Variants in SQOR observed in about 807,000 individuals in gnomAD.
SQOR encodes the protein sulfide:quinone oxidoreductase, mitochondrial.
In SQOR, 39 loss-of-function variants were observed where a neutral mutation model predicts 48.6. The ratio of observed to expected loss-of-function variants is 0.80; its 90% CI spans 0.62 to 1.05. The LOEUF (loss-of-function observed/expected upper bound fraction) is 1.05, where lower values mean the gene tolerates loss of function less well. Among genes scored for constraint, SQOR ranks in the 50% least tolerant of loss-of-function variants. The probability of loss-of-function intolerance (pLI) is 0.00; values close to 1 mark genes in which losing one functional copy is unlikely to be tolerated. For synonymous variants in SQOR, 220 were observed against 206.2 expected (o/e 1.07, Z -0.57); for missense variants, 561 against 559.9 (o/e 1.00, Z -0.02).
chr15:45,634,518 T>C (rs1894960839), upstream of SQOR, among the ~76,000 whole-genome samples: 1 of 151,888 alleles, frequency 6.6e-6, no homozygotes, highest in African/African-American at 2.4e-5. Context: ...CCTGCGCGTT[T>C]TGAAGGAAGG....
chr15:45,676,694 T>C (rs1489896247), intron 6 of SQOR, among the ~76,000 whole-genome samples: 1 of 152,176 alleles, frequency 6.6e-6, no homozygotes, highest in Non-Finnish European at 1.5e-5. Context: ...ATTGGTGGCA[T>C]GTGAGAAACA....
At chr15:45,673,933 GT>G (rs569519667) in intron 5 of SQOR, 132 bp downstream of exon 5, 4 of 832,584 alleles carry the variant, frequency 4.8e-6, no homozygotes, top group Non-Finnish European at 7.3e-6. Context: ...TACAAAATTA[GT>G]TAACTGGAAG....
chr15:45,676,049 A>C, intron 5 of SQOR, 52 bp from the exon 6 acceptor site: 2 of 1,530,114 alleles, frequency 1.3e-6, no homozygotes, highest in Non-Finnish European at 1.8e-6. Flanking sequence ...TAAAAAAAAA[A>C]AAGGCAGCTG....
intron 1 of SQOR, among the ~76,000 whole-genome samples, chr15:45,636,455 G>C (rs1341984869): frequency 1.3e-5 from 2 of 148,344 alleles, no homozygotes; most frequent in Admixed American, 1.4e-4. Flanking sequence ...CCAGGCTGGA[G>C]TGCAGTGGCG....
At chr15:45,674,850 G>A (rs1438505842) in intron 5 of SQOR, among the ~76,000 whole-genome samples, 1 of 152,154 alleles carries the variant, frequency 6.6e-6, no homozygotes, top group Non-Finnish European at 1.5e-5. Flanking sequence ...GTGCGGTTTG[G>A]CTTGAGACAG....
chr15:45,664,783 T>C (rs1889784815), intron 3 of SQOR, among the ~76,000 whole-genome samples: 1 of 152,208 alleles, frequency 6.6e-6, no homozygotes, highest in African/African-American at 2.4e-5. Context: ...TGATTTTACC[T>C]AAAGGCAGAA....
rs1191550622 is a variant in SQOR at position 45,674,087 on chromosome 15, C to T, written c.654+286C>T. 3.8e-5 allele frequency: 15 copies of T among 391,086 alleles called. 1 individual carries two copies. In the East Asian group the frequency reaches 8.0e-4, roughly 21 times the overall value. 24.2% of individuals were successfully genotyped at this position (391,086 alleles called of 1,614,324 possible). ...GTCATAGTGTACATGAAAAATTTAG[C>T]TGTATTATGTAATATTAAATAGTCT... On this transcript the variant is annotated intron_variant, in intron 5 of 9. Coordinates refer to ENST00000260324, the MANE Select transcript of SQOR (RefSeq NM_021199.4).
At chr15:45,681,606 A>C (rs1370789673) in intron 6 of SQOR, among the ~76,000 whole-genome samples, 2 of 152,144 alleles carry the variant, frequency 1.3e-5, no homozygotes, top group African/African-American at 4.8e-5. Context: ...TTTTACCCTA[A>C]TGACATGTCG....
chr15:45,669,974 A>G lies in SQOR; in HGVS notation c.452A>G (p.Tyr151Cys), dbSNP rs1423213278. Reference protein sequence around the residue: ...LIIALGIQLDYEKIKGLPEGF... With the variant: ...LIIALGIQLDCEKIKGLPEGF... ...ATTGCTCTCGGAATCCAGCTGGACTATGAGAAGGTACCGTGTGAAACTGTT... is the reference window on the plus strand; with the variant it reads ...ATTGCTCTCGGAATCCAGCTGGACTGTGAGAAGGTACCGTGTGAAACTGTT... The change falls in exon 4 of 10, where the codon TAT becomes TGT. Residue 151 changes from tyrosine to cysteine, a missense_variant. Transcript: ENST00000260324. The G allele has an allele frequency of 1.2e-6, 2 of 1,614,062 alleles. No homozygotes were observed. The highest frequency in any genetic ancestry group is 1.3e-5 in the African/African-American group (1 of 75,048).
intron 2 of SQOR, among the ~76,000 whole-genome samples, chr15:45,661,678 A>C (rs1424807377): frequency 6.6e-6 from 1 of 152,226 alleles, no homozygotes; most frequent in East Asian, 1.9e-4. Context: ...ATTAAACACC[A>C]AATCAACTTT....
At chr15:45,676,401 C>G (rs1420476370) in intron 6 of SQOR, 91 bp downstream of exon 6, 1 of 1,287,384 alleles carries the variant, frequency 7.8e-7, no homozygotes, top group Admixed American at 1.9e-5. Flanking sequence ...TATCTGCCAT[C>G]ATTGTGTGCT....
intron 4 of SQOR, among the ~76,000 whole-genome samples, chr15:45,670,842 T>C (rs943890886): frequency 6.6e-6 from 1 of 152,186 alleles, no homozygotes; most frequent in African/African-American, 2.4e-5. Context: ...TTTTGAGTCA[T>C]GGTGCCATGG....
At chr15:45,675,459 A>G (rs900348826) in intron 5 of SQOR, among the ~76,000 whole-genome samples, 11 of 151,942 alleles carry the variant, frequency 7.2e-5, no homozygotes, top group African/African-American at 2.7e-4. Flanking sequence ...CAATGGTGCA[A>G]TCTCAGCTCC....
intron 7 of SQOR, among the ~76,000 whole-genome samples, chr15:45,686,713 T>C (rs557358014): frequency 3.3e-4 from 51 of 152,356 alleles, no homozygotes; most frequent in African/African-American, 1.2e-3. Flanking sequence ...GATTGCAAAA[T>C]AACCACTTTA....
At chr15:45,658,792 T>C (rs1889663153) in intron 1 of SQOR, 115 bp from the exon 2 acceptor site, 4 of 798,192 alleles carry the variant, frequency 5.0e-6, no homozygotes, top group Non-Finnish European at 5.6e-6. Context: ...TGAGAGATGA[T>C]GGGGACCAGC....
At chr15:45,683,713 T>TA (rs200269893) in intron 7 of SQOR, among the ~76,000 whole-genome samples, 4 of 151,468 alleles carry the variant, frequency 2.6e-5, no homozygotes, top group African/African-American at 4.9e-5. Context: ...ACTTTTTATT[T>TA]AAAAAAAAAT....
At chr15:45,658,866 T>G (rs16946633) in intron 1 of SQOR, 41 bp from the exon 2 acceptor site, 215,899 of 1,406,150 alleles carry the variant, frequency 0.15, 19,335 homozygotes, top group African/African-American at 0.38. Context: ...CCCACGATGG[T>G]TTCTACCTTG....
At chr15:45,641,859 T>A (rs1254441900) in intron 1 of SQOR, among the ~76,000 whole-genome samples, 1 of 152,194 alleles carries the variant, frequency 6.6e-6, no homozygotes, top group African/African-American at 2.4e-5. Context: ...ATCGTTCACA[T>A]TCTTCCTTCT....
chr15:45,689,416 AC>A, intron 9 of SQOR, 199 bp downstream of exon 9: 3 of 384,914 alleles, frequency 7.8e-6, no homozygotes, highest in Non-Finnish European at 1.4e-5. Flanking sequence ...CTGCTACCTT[AC>A]TTTTTTTTTT....
Sources: allele counts gnomAD v4.1 joint callset (sites outside exome capture counted in the v4.1 genomes callset), GRCh38; gene constraint gnomAD v4.1.1; transcripts MANE v1.5; gene names NCBI Gene and HGNC (gene_info 2026-07-23, HGNC 2026-07-21).